The following WWP2 variants were observed in gnomAD, a reference collection of about 807,000 sequenced individuals.
WWP2 encodes the protein NEDD4-like E3 ubiquitin-protein ligase WWP2.
A neutral mutation model predicts 121.0 loss-of-function variants in WWP2; 57 were observed. The ratio of observed to expected loss-of-function variants is 0.47; its 90% CI spans 0.38 to 0.59. WWP2 has a LOEUF of 0.59. WWP2 is among the 20% of genes least tolerant of loss of function. WWP2 has a pLI of 0.00. For synonymous variants in WWP2, 449 were observed against 441.3 expected, an observed-to-expected ratio of 1.02 and a Z score of -0.22; for missense variants, 962 against 1,158.9, an observed-to-expected ratio of 0.83 and a Z score of 2.47.
Position 69,940,127 on chromosome 16 carries a change from G to A in WWP2, c.*187G>A, listed in dbSNP as rs2058860893. ...GGCCCTGCAGTTCCCCCGACCCGCGGATGGCAGTCTGGAATAAAGCCCCCT... is the reference window on the plus strand; with the variant it reads ...GGCCCTGCAGTTCCCCCGACCCGCGAATGGCAGTCTGGAATAAAGCCCCCT... On this transcript the variant is annotated 3_prime_UTR_variant, in exon 24 of 24. Coordinates refer to ENST00000359154, the MANE Select transcript of WWP2 (RefSeq NM_001270454.2). The A allele has an allele frequency of 3.4e-6, 2 of 595,394 alleles. No homozygotes were observed. Among genetic ancestry groups the A allele is most frequent in the South Asian group, 4.2e-5 (2 of 47,732 alleles). 36.9% of individuals were successfully genotyped at this position (595,394 alleles called of 1,614,324 possible).
At chr16:69,775,949 T>C (rs2055517292) in intron 1 of WWP2, among the ~76,000 whole-genome samples, 1 of 152,230 alleles carries the variant, frequency 6.6e-6, no homozygotes, top group South Asian at 2.1e-4. Flanking sequence ...CAAATTCCTC[T>C]AGTGTCCTTG....
chr16:69,777,135 A>G (rs2055549244), intron 1 of WWP2, among the ~76,000 whole-genome samples: 2 of 145,026 alleles, frequency 1.4e-5, no homozygotes, highest in South Asian at 4.2e-4. Context: ...ATATGGATAT[A>G]TATACACATA....
intron 4 of WWP2, among the ~76,000 whole-genome samples, chr16:69,807,006 G>A (rs2056291988): frequency 6.9e-6 from 1 of 144,018 alleles, no homozygotes; most frequent in Non-Finnish European, 1.5e-5. Context: ...AGCTTTTCAG[G>A]TTGAAAGCTT....
intron 6 of WWP2, among the ~76,000 whole-genome samples, chr16:69,846,483 G>A (rs910135237): frequency 1.3e-5 from 2 of 152,176 alleles, no homozygotes; most frequent in Admixed American, 6.5e-5. Flanking sequence ...ATTTTGGGGA[G>A]GTCGAGGCGG....
chr16:69,839,803 G>A (rs2056942308), intron 4 of WWP2, among the ~76,000 whole-genome samples: 1 of 152,132 alleles, frequency 6.6e-6, no homozygotes, highest in Admixed American at 6.5e-5. Flanking sequence ...TCGTCTGTAC[G>A]CCATCAATAT....
intron 9 of WWP2, among the ~76,000 whole-genome samples, chr16:69,914,071 C>CAAAAAAAAAAAAA (rs34269202): frequency 6.2e-5 from 2 of 32,212 alleles, no homozygotes; most frequent in African/African-American, 1.1e-4. Context: ...GACTCTGTCT[C>CAAAAAAAAAAAAA]AAAAAAAAAA....
Position 69,826,958 on chromosome 16 carries a change from G to T in WWP2, c.341-13168G>T, listed in dbSNP as rs889354467. On this transcript the variant is annotated intron_variant, in intron 4 of 23. Coordinates refer to ENST00000359154, the MANE Select transcript of WWP2 (RefSeq NM_001270454.2). ...CACCTCAAAAAAAAAAAAAAAAGGG[G>T]GGGGGGCGGAGAGAATAATGGACCA... Among the ~76,000 whole-genome samples the T allele has an allele frequency of 1.4e-3, 170 of 123,400 alleles. 5 individuals carry two copies. The highest frequency in any genetic ancestry group is 4.6e-3 in the African/African-American group (163 of 35,682). The allele number at this position is 123,400 out of a possible 152,430, so 81.0% of individuals were successfully genotyped here.
At chr16:69,820,686 C>T (rs2056576171) in intron 4 of WWP2, among the ~76,000 whole-genome samples, 1 of 114,126 alleles carries the variant, frequency 8.8e-6, no homozygotes, top group South Asian at 3.5e-4. Flanking sequence ...CGGTTCTCCC[C>T]ATATACTACT....
At chr16:69,797,750 AC>A (rs1328272292) in intron 2 of WWP2, among the ~76,000 whole-genome samples, 1 of 151,806 alleles carries the variant, frequency 6.6e-6, no homozygotes, top group East Asian at 1.9e-4. Context: ...TTAGCCAGGC[AC>A]GGTGGCGGGC....
intron 8 of WWP2, among the ~76,000 whole-genome samples, chr16:69,891,679 G>T (rs542658914): frequency 1.3e-5 from 2 of 152,188 alleles, no homozygotes; most frequent in East Asian, 1.9e-4. Flanking sequence ...CCATTCCCTT[G>T]GCTGCCTCTG....
chr16:69,794,625 G>T (rs560491771), intron 2 of WWP2, among the ~76,000 whole-genome samples: 3 of 152,274 alleles, frequency 2.0e-5, no homozygotes, highest in African/African-American at 7.2e-5. Context: ...GAAGTAAGAT[G>T]GAATCAACTA....
intron 10 of WWP2, among the ~76,000 whole-genome samples, chr16:69,920,198 A>T (rs2058539072): frequency 6.6e-6 from 1 of 152,132 alleles, no homozygotes; most frequent in Admixed American, 6.5e-5. Flanking sequence ...GGAGGAAACC[A>T]TGGAGGACCT....
intron 4 of WWP2, among the ~76,000 whole-genome samples, chr16:69,820,336 G>A (rs1167098054): frequency 1.3e-5 from 2 of 152,136 alleles, no homozygotes; most frequent in Non-Finnish European, 2.9e-5. Context: ...CCGCCTCCTG[G>A]GTTCAAGTGA....
intron 4 of WWP2, among the ~76,000 whole-genome samples, chr16:69,822,058 G>C (rs1208671917): frequency 6.6e-6 from 1 of 151,618 alleles, no homozygotes; most frequent in East Asian, 1.9e-4. Context: ...GTAGAGACAG[G>C]GTCTCCCTTT....
chr16:69,849,573 C>T (rs1346768531), intron 6 of WWP2, among the ~76,000 whole-genome samples: 1 of 152,066 alleles, frequency 6.6e-6, no homozygotes, highest in Admixed American at 6.5e-5. Context: ...GGGCTTTCTT[C>T]TGAGCAGTTG....
At chr16:69,822,551 T>TTGTGTG (rs968952483) in intron 4 of WWP2, among the ~76,000 whole-genome samples, 1 of 150,528 alleles carries the variant, frequency 6.6e-6, no homozygotes. Context: ...GTGTGTGTGT[T>TTGTGTG]TGTGTGTGTG....
At chr16:69,914,524 A>G (rs2058451717) in intron 9 of WWP2, among the ~76,000 whole-genome samples, 2 of 152,138 alleles carry the variant, frequency 1.3e-5, no homozygotes, top group Non-Finnish European at 2.9e-5. Context: ...TTGGGGGGCC[A>G]AGGCAGGAGG....
intron 6 of WWP2, among the ~76,000 whole-genome samples, chr16:69,855,009 C>G (rs984704890): frequency 2.0e-5 from 3 of 152,022 alleles, no homozygotes; most frequent in Non-Finnish European, 4.4e-5. Context: ...GTGTGCACCA[C>G]CACAGTAGGC....
chr16:69,908,789 C>T lies in WWP2; in HGVS notation c.943C>T (p.Arg315Cys), dbSNP rs377619443. 17 of 1,614,086 alleles carry T rather than the reference C, an allele frequency of 1.1e-5. No homozygotes were observed. The highest frequency in any genetic ancestry group is 3.3e-5 in the South Asian group (3 of 91,090). ...GWEQRELPNG[R>C]VYYVDHNTKT... ...GGAACAGCGAGAGCTGCCCAACGGA[C>T]GTGTCTATTATGTTGACCACAATAC... Residue 315 changes from arginine to cysteine, a missense_variant, in exon 9 of 24, where the codon CGT (arginine) becomes TGT (cysteine). Coordinates refer to ENST00000359154, the MANE Select transcript of WWP2 (RefSeq NM_001270454.2).
Sources: gnomAD v4.1 joint callset for allele counts (sites outside exome capture counted in the v4.1 genomes callset) on GRCh38, gnomAD v4.1.1 for gene constraint, MANE v1.5 for transcripts, NCBI Gene and HGNC (gene_info 2026-07-23, HGNC 2026-07-21) for gene names.